NACC2: variants seen among roughly 807,000 people sequenced by gnomAD.
NACC2 encodes the protein nucleus accumbens-associated protein 2.
NACC2 carries 8 observed loss-of-function variants against 25.1 expected under a neutral mutation model. That is an observed-to-expected ratio of 0.32 (90% CI 0.19 to 0.57). NACC2 has a LOEUF of 0.57. Among genes scored for constraint, NACC2 ranks in the 20% least tolerant of loss-of-function variants. The probability of loss-of-function intolerance (pLI) is 0.89; values close to 1 mark genes in which losing one functional copy is unlikely to be tolerated. For missense variants in NACC2, 644 were observed against 650.2 expected (o/e 0.99, Z 0.10); for synonymous variants, 435 against 294.7 (o/e 1.48, Z -4.88).
intron 1 of NACC2, among the ~76,000 whole-genome samples, chr9:136,078,443 A>T (rs564200531): frequency 2.4e-4 from 36 of 152,340 alleles, no homozygotes; most frequent in African/African-American, 6.7e-4. Flanking sequence ...AATCCTTAAT[A>T]CAGGTTTTTC....
intron 1 of NACC2, among the ~76,000 whole-genome samples, chr9:136,069,193 G>A (rs2131176989): frequency 6.6e-6 from 1 of 151,722 alleles, no homozygotes; most frequent in African/African-American, 2.4e-5. Flanking sequence ...GGCGTGAACT[G>A]CCGTGCCCAG....
chr9:136,039,559 A>T (rs980870767), intron 2 of NACC2, among the ~76,000 whole-genome samples: 1,861 of 152,332 alleles, frequency 0.012, 21 homozygotes, highest in Non-Finnish European at 0.02. Flanking sequence ...CATGAACATA[A>T]ATGCAAAATT....
intron 1 of NACC2, among the ~76,000 whole-genome samples, chr9:136,087,099 G>C (rs150840253): frequency 6.6e-6 from 1 of 152,226 alleles, no homozygotes; most frequent in South Asian, 2.1e-4. Flanking sequence ...GTGTGAGGAC[G>C]GAGGCAGAGA....
intron 2 of NACC2, among the ~76,000 whole-genome samples, chr9:136,040,690 T>C (rs1373630146): frequency 2.0e-5 from 3 of 152,234 alleles, no homozygotes; most frequent in Non-Finnish European, 2.9e-5. Flanking sequence ...CCAGGCGCAG[T>C]GGCTCACACC....
intron 2 of NACC2, among the ~76,000 whole-genome samples, chr9:136,049,375 G>C (rs957216392): frequency 6.6e-6 from 1 of 152,176 alleles, no homozygotes; most frequent in African/African-American, 2.4e-5. Context: ...CCTGGGCCAC[G>C]GGACACCTGC....
In NACC2 at chr9:136,086,324, T is replaced by TG. The variant is rs1009014514; in HGVS notation, c.-60+8864dup. Among the ~76,000 whole-genome samples the TG allele has an allele frequency of 4.9e-4, 74 of 152,106 alleles. No homozygotes were observed. Among genetic ancestry groups the TG allele is most frequent in the African/African-American group, 1.7e-3 (70 of 41,510 alleles). ...CTCCCACTCAGAGCTGGGAGGGGTT[T>TG]GGGGGGTGGGGGTGCCTCTGTTTTC... is the stretch of plus-strand genomic sequence containing the variant. On this transcript the variant is annotated intron_variant, in intron 1 of 5. Transcript: ENST00000277554. The surrounding 1 kb of genome is among the most constrained non-coding windows in gnomAD (Gnocchi z 5.6).
intron 2 of NACC2, among the ~76,000 whole-genome samples, chr9:136,029,314 T>C (rs1395017514): frequency 6.6e-6 from 1 of 152,026 alleles, no homozygotes; most frequent in Non-Finnish European, 1.5e-5. Flanking sequence ...GCTGAGCAGA[T>C]GTTGAGGAGA....
At chr9:136,092,044 T>C (rs2131194150) in intron 1 of NACC2, among the ~76,000 whole-genome samples, 1 of 152,108 alleles carries the variant, frequency 6.6e-6, no homozygotes. Flanking sequence ...CACCTGGGGA[T>C]TAGGGGGCGC....
rs1391239127 is a variant in NACC2, at chr9:136,050,179, G to C, written c.343C>G (p.Arg115Gly). 7.8e-6 allele frequency: 6 copies of C among 770,950 alleles called. No homozygotes were observed. Among genetic ancestry groups the C allele is most frequent in the Non-Finnish European group, 1.4e-5 (6 of 415,558 alleles). The allele number at this position is 770,950 out of a possible 1,614,324, so 47.8% of individuals were successfully genotyped here. Residue 115 changes from arginine (R) to glycine (G), a missense_variant, in exon 2 of 6, where the codon CGC becomes GGC. Transcript: ENST00000277554. ...ACCTTGAACATGAGGTCGGTGCCGCGCTCCACGATGTGCTGGATCTGCAGG... is the reference window on the plus strand; with the variant it reads ...ACCTTGAACATGAGGTCGGTGCCGCCCTCCACGATGTGCTGGATCTGCAGG... ...GFLQIQHIVE[R>G]GTDLMFKVSS...
intron 1 of NACC2, among the ~76,000 whole-genome samples, chr9:136,093,496 C>T (rs1327817094): frequency 6.6e-6 from 1 of 152,218 alleles, no homozygotes; most frequent in Non-Finnish European, 1.5e-5. Flanking sequence ...GCCTTCCCGC[C>T]AGGCCAGGGC....
At chr9:136,061,191 C>T (rs1841005833) in intron 1 of NACC2, among the ~76,000 whole-genome samples, 1 of 152,162 alleles carries the variant, frequency 6.6e-6, no homozygotes, top group African/African-American at 2.4e-5. Flanking sequence ...CAGACTGTGC[C>T]GGCTACCGGG....
intron 1 of NACC2, among the ~76,000 whole-genome samples, chr9:136,060,950 G>C (rs1363479728): frequency 6.6e-6 from 1 of 152,208 alleles, no homozygotes; most frequent in Non-Finnish European, 1.5e-5. Flanking sequence ...AGGTGAAAGG[G>C]GGAGGGGAGG....
rs114186415 is a variant in NACC2 at position 136,083,136 on chromosome 9, G to A, written c.-60+12053C>T. 9.5e-3 allele frequency among the ~76,000 whole-genome samples: 1,442 copies of A among 152,300 alleles called. 19 individuals are homozygous for A. Among genetic ancestry groups the A allele is most frequent in the African/African-American group, 0.032 (1,342 of 41,538 alleles). On this transcript the variant is annotated intron_variant, in intron 1 of 5. Coordinates refer to ENST00000277554, the MANE Select transcript of NACC2 (RefSeq NM_144653.5). ...CCCTCTTCCTCGATGCCAGAAACGG[G>A]GCCACCCTGCTGGAGCGGAGGCTGT...
chr9:136,084,812 G>A lies in NACC2; in HGVS notation c.-60+10377C>T, dbSNP rs1830361971. On this transcript the variant is annotated intron_variant, in intron 1 of 5. Coordinates refer to ENST00000277554, the MANE Select transcript of NACC2 (RefSeq NM_144653.5). This position sits in a 1 kb window ranked among gnomAD's most constrained non-coding sequence, Gnocchi z 5.1. ...CCCGGAGGAGCCGTGGGGAGAGGGT[G>A]CGGAGCAAATGAGCCAGTCACACGA... Among the ~76,000 whole-genome samples, 1 of 152,252 alleles carries A rather than the reference G, an allele frequency of 6.6e-6. No homozygotes were observed.
Position 136,066,080 on chromosome 9 carries a change from C to A in NACC2, c.-59-15500G>T, listed in dbSNP as rs112012143. Among the ~76,000 whole-genome samples the A allele has an allele frequency of 9.8e-3, 1,482 of 151,564 alleles. 23 individuals are homozygous for A. Among genetic ancestry groups the A allele is most frequent in the African/African-American group, 0.034 (1,406 of 41,326 alleles). ...TGGTGGTGGGTGCCTGTAACCCCAG[C>A]TACTCGGGAGGCTGAAACAGGAGAA... On this transcript the variant is annotated intron_variant, in intron 1 of 5. Transcript: ENST00000277554.
At chr9:136,042,815 G>C (rs1313284038) in intron 2 of NACC2, among the ~76,000 whole-genome samples, 1 of 147,406 alleles carries the variant, frequency 6.8e-6, no homozygotes, top group Non-Finnish European at 1.5e-5. Flanking sequence ...CCCCATCCTG[G>C]ATAGGCAGGA....
At chr9:136,089,717 T>C in intron 1 of NACC2, among the ~76,000 whole-genome samples, 1 of 151,690 alleles carries the variant, frequency 6.6e-6, no homozygotes, top group African/African-American at 2.4e-5. Flanking sequence ...TCTTCTACTT[T>C]CCCTCTTCAT....
chr9:136,081,174 G>A (rs575707495), intron 1 of NACC2, among the ~76,000 whole-genome samples: 6 of 152,280 alleles, frequency 3.9e-5, no homozygotes, highest in Admixed American at 1.3e-4. Context: ...GTGGCCACTC[G>A]GGGACTCTCC....
At chr9:136,077,128 G>C (rs1327025654) in intron 1 of NACC2, among the ~76,000 whole-genome samples, 1 of 145,798 alleles carries the variant, frequency 6.9e-6, no homozygotes, top group Non-Finnish European at 1.5e-5. Flanking sequence ...GCAGTGAGCC[G>C]AGATTGCGCC....
Sources: gnomAD v4.1 joint callset for allele counts (sites outside exome capture counted in the v4.1 genomes callset) on GRCh38, gnomAD v4.1.1 for gene constraint, Gnocchi (gnomAD v3.1) non-coding constraint, MANE v1.5 for transcripts, NCBI Gene and HGNC (gene_info 2026-07-23, HGNC 2026-07-21) for gene names.